The following LSM7 variants were observed in gnomAD, a reference collection of about 807,000 sequenced individuals.
The protein encoded by LSM7 is U6 snRNA-associated Sm-like protein LSm7.
In LSM7, 13 loss-of-function variants were observed where a neutral mutation model predicts 14.1. The ratio of observed to expected loss-of-function variants is 0.92; its 90% CI spans 0.60 to 1.47. LSM7 has a LOEUF of 1.47. LSM7 is among the 40% of genes most tolerant of loss of function. The pLI, the probability that LSM7 is intolerant of heterozygous loss-of-function variation, is 0.00. For synonymous variants in LSM7, 70 were observed against 57.1 expected (o/e 1.23, Z -1.02); for missense variants, 108 against 140.8 (o/e 0.77, Z 1.18).
intron 2 of LSM7, chr19:2,327,894 A>C (rs1396466983): frequency 6.4e-6 from 1 of 156,830 alleles, no homozygotes; most frequent in Non-Finnish European, 1.4e-5. Context: ...GTAACCATTC[A>C]TTCTCACCAC....
intron 3 of LSM7, among the ~76,000 whole-genome samples, chr19:2,323,249 G>C (rs188138691): frequency 6.6e-6 from 1 of 152,140 alleles, no homozygotes; most frequent in Admixed American, 6.5e-5. Context: ...GGGACCCTGC[G>C]TTCATAGCGG....
Position 2,327,690 on chromosome 19 carries a change from C to T in LSM7, c.97+697G>A, listed in dbSNP as rs796371450. Among the ~76,000 whole-genome samples, 16 of 152,308 alleles carry T rather than the reference C, an allele frequency of 1.1e-4. 1 individual carries two copies. The highest frequency in any genetic ancestry group is 3.8e-4 in the African/African-American group (16 of 41,566). ...TTGCTGGGATTACACACGTGAGCCGCCCCGTCCGGCTGGGGCACTGTGATT... is the reference window on the plus strand; with the variant it reads ...TTGCTGGGATTACACACGTGAGCCGTCCCGTCCGGCTGGGGCACTGTGATT... On this transcript the variant is annotated intron_variant, in intron 2 of 3. Coordinates refer to ENST00000252622, the MANE Select transcript of LSM7 (RefSeq NM_016199.3).
Position 2,321,843 on chromosome 19 carries a change from A to G in LSM7, c.170-21T>C. ...AGGGTCTGGGGAGGAGCAGATAGAG[A>G]GGACTGAGGGACCTCCAGGAAGCCT... On this transcript the variant is annotated intron_variant, in intron 3 of 3. Transcript: ENST00000252622. This position sits in a 1 kb window ranked among gnomAD's most constrained non-coding sequence, Gnocchi z 5.0. The G allele has an allele frequency of 7.0e-7, 1 of 1,419,012 alleles. No individual in the cohort carries two copies. Among genetic ancestry groups the G allele is most frequent in the Non-Finnish European group, 9.3e-7 (1 of 1,079,332 alleles). 87.9% of individuals were successfully genotyped at this position (1,419,012 alleles called of 1,614,324 possible).
chr19:2,326,388 C>G (rs1192235669), intron 2 of LSM7, among the ~76,000 whole-genome samples: 1 of 151,590 alleles, frequency 6.6e-6, no homozygotes, highest in Admixed American at 6.6e-5. Flanking sequence ...GTCGCCCAGG[C>G]TGGAATGCAG....
At chr19:2,325,374 C>A (rs1172162956) in intron 2 of LSM7, among the ~76,000 whole-genome samples, 1 of 151,664 alleles carries the variant, frequency 6.6e-6, no homozygotes, top group African/African-American at 2.4e-5. Flanking sequence ...TCTGCGCTCA[C>A]TGAGGGGCGT....
At position 2,321,730 on chromosome 19, in the gene LSM7, C is replaced by T. The variant is rs1439920773; in HGVS notation, c.262G>A (p.Asp88Asn). ...GGGTTGGGGATGGCCTCCATGCCGT[C>T]CTGCGGGCAGATTAGCACCACGGAC... Reference protein sequence around the residue: ...GTSVVLICPQDGMEAIPNPFI... With the variant: ...GTSVVLICPQNGMEAIPNPFI... The change falls in exon 4 of 4, where the codon GAC (aspartate) becomes AAC (asparagine). Residue 88 changes from aspartate (D) to asparagine (N), a missense_variant. Transcript: ENST00000252622. This position sits in a 1 kb window ranked among gnomAD's most constrained non-coding sequence, Gnocchi z 5.0. The T allele has an allele frequency of 4.5e-6, 7 of 1,570,664 alleles. No homozygotes were observed. The highest frequency in any genetic ancestry group is 5.2e-6 in the Non-Finnish European group (6 of 1,160,032).
Position 2,321,625 on chromosome 19 carries a change from C to T in LSM7, c.*55G>A, listed in dbSNP as rs1326169730. On this transcript the variant is annotated 3_prime_UTR_variant, in exon 4 of 4. Transcript: ENST00000252622. The surrounding 1 kb of genome is among the most constrained non-coding windows in gnomAD (Gnocchi z 5.0). ...CTGCGGTGGGAGCAGCAGCCAAGTC[C>T]GCGGGAAACCGAGCTGCTCGGGCCT... 5.2e-6 allele frequency: 7 copies of T among 1,349,770 alleles called. No homozygotes were observed. Among genetic ancestry groups the T allele is most frequent in the Admixed American group, 3.6e-5 (1 of 27,666 alleles). The allele number at this position is 1,349,770 out of a possible 1,614,324, so 83.6% of individuals were successfully genotyped here. A position where few individuals can be genotyped will look rare whatever the true frequency, so the allele number is the denominator to read the frequency against.
At chr19:2,326,312 TTGTGTGTGTGTGTGTGTGTGTGTG>T (rs145468909) in intron 2 of LSM7, among the ~76,000 whole-genome samples, 1 of 129,674 alleles carries the variant, frequency 7.7e-6, no homozygotes, top group African/African-American at 2.8e-5. Context: ...TTTCTGCTTT[TTGTGTGTGTGTGTGTGTGTGTGTG>T]TGTGTGTGTG....
At chr19:2,324,528 C>T (rs1194111776) in intron 2 of LSM7, 7 of 370,070 alleles carry the variant, frequency 1.9e-5, no homozygotes, top group Non-Finnish European at 2.5e-5. Context: ...GTCAGCTCTA[C>T]TCACAGGCAC....
At chr19:2,325,528 A>G (rs1188693410) in intron 2 of LSM7, among the ~76,000 whole-genome samples, 1 of 152,144 alleles carries the variant, frequency 6.6e-6, no homozygotes, top group African/African-American at 2.4e-5. Flanking sequence ...AATCTCGGGA[A>G]GCAGGCACCA....
chr19:2,322,267 C>T (rs947508391), intron 3 of LSM7, among the ~76,000 whole-genome samples: 3 of 152,062 alleles, frequency 2.0e-5, no homozygotes, highest in East Asian at 3.8e-4. Flanking sequence ...GGGCCGGGCG[C>T]GGTGGCTCAC....
At chr19:2,322,056 A>G (rs1967943225) in intron 3 of LSM7, among the ~76,000 whole-genome samples, 1 of 151,880 alleles carries the variant, frequency 6.6e-6, no homozygotes, top group Admixed American at 6.6e-5. Context: ...GCCCTCCCTC[A>G]CTCCACAAAC....
chr19:2,325,529 G>T (rs1381866972), intron 2 of LSM7, among the ~76,000 whole-genome samples: 1 of 152,236 alleles, frequency 6.6e-6, no homozygotes, highest in African/African-American at 2.4e-5. Flanking sequence ...ATCTCGGGAA[G>T]CAGGCACCAC....
chr19:2,324,663 G>A (rs1026824461), intron 2 of LSM7: 3 of 168,578 alleles, frequency 1.8e-5, no homozygotes, highest in East Asian at 3.2e-4. Context: ...GCGGCGGCAC[G>A]TGTACGCGGT....
At chr19:2,326,631 C>T (rs1306362129) in intron 2 of LSM7, among the ~76,000 whole-genome samples, 2 of 152,194 alleles carry the variant, frequency 1.3e-5, no homozygotes, top group African/African-American at 4.8e-5. Flanking sequence ...CCACAGCGCC[C>T]AGTTAATTGT....
intron 2 of LSM7, among the ~76,000 whole-genome samples, chr19:2,327,346 A>C (rs1968049183): frequency 6.6e-6 from 1 of 152,012 alleles, no homozygotes; most frequent in Admixed American, 6.5e-5. Context: ...GGGTTCAAGC[A>C]ATTCTCCTGC....
intron 3 of LSM7, among the ~76,000 whole-genome samples, chr19:2,323,633 G>A (rs571669282): frequency 6.6e-6 from 1 of 152,108 alleles, no homozygotes; most frequent in East Asian, 1.9e-4. Context: ...TGCATTTTTA[G>A]CGGAGACGGG....
chr19:2,321,979 C>T lies in LSM7; in HGVS notation c.170-157G>A, dbSNP rs1321038487. Among the ~76,000 whole-genome samples the T allele has an allele frequency of 1.3e-5, 2 of 152,192 alleles. No individual in the cohort carries two copies. The highest frequency in any genetic ancestry group is 4.8e-5 in the African/African-American group (2 of 41,448). The stretch of plus-strand genomic sequence containing the variant: ...CGGGATGCGCTCTGTGGGGCAGGTC[C>T]CCGGCTCCCACGGCTGAGACCCATG... On this transcript the variant is annotated intron_variant, in intron 3 of 3. Transcript: ENST00000252622. This position sits in a 1 kb window ranked among gnomAD's most constrained non-coding sequence, Gnocchi z 5.0.
At position 2,324,141 on chromosome 19, in the gene LSM7, G is replaced by A. The variant is rs1460158592; in HGVS notation, c.153C>T (p.Thr51=). 2.5e-6 allele frequency: 4 copies of A among 1,569,970 alleles called. No individual in the cohort carries two copies. In the South Asian group the frequency reaches 4.7e-5, roughly 18 times the overall value. The part of the protein sequence containing the change: ...DPLLNLVLDG[T]IEYMRDPDDQ... ...CCCACTCACCTCGCATGTACTCAATGGTGCCGTCCAGCACAAGGTTGAGGA... is the reference window on the plus strand; with the variant it reads ...CCCACTCACCTCGCATGTACTCAATAGTGCCGTCCAGCACAAGGTTGAGGA... Residue 51 remains threonine (T), a synonymous_variant, in exon 3 of 4, where the codon ACC becomes ACT. Coordinates refer to ENST00000252622, the MANE Select transcript of LSM7 (RefSeq NM_016199.3).
Sources: allele counts gnomAD v4.1 joint callset (sites outside exome capture counted in the v4.1 genomes callset), GRCh38; gene constraint gnomAD v4.1.1; non-coding constraint Gnocchi (gnomAD v3.1); transcripts MANE v1.5; gene names NCBI Gene and HGNC (gene_info 2026-07-23, HGNC 2026-07-21).